Variants in DPYD observed in about 807,000 individuals in gnomAD.
DPYD encodes the protein dihydropyrimidine dehydrogenase [NADP(+)].
Under a neutral mutation model 116.2 loss-of-function variants are expected in DPYD, and 109 were observed. The observed-to-expected ratio is 0.94, with a 90% CI of 0.80 to 1.10. DPYD has a LOEUF of 1.10. Among genes scored for constraint, DPYD ranks in the 50% least tolerant of loss-of-function variants. The probability of loss-of-function intolerance (pLI) is 0.00; values close to 1 mark genes in which losing one functional copy is unlikely to be tolerated. For synonymous variants in DPYD, 440 were observed against 432.0 expected (o/e 1.02, Z -0.23); for missense variants, 1,302 against 1,254.5 (o/e 1.04, Z -0.57).
chr1:97,774,908 C>A, intron 3 of DPYD: 2 of 284,246 alleles, frequency 7.0e-6, no homozygotes, highest in South Asian at 4.0e-5. Flanking sequence ...TTTGAATGTC[C>A]AAATCATCAT....
At chr1:97,759,042 G>T (rs965504422) in intron 3 of DPYD, among the ~76,000 whole-genome samples, 1 of 152,112 alleles carries the variant, frequency 6.6e-6, no homozygotes, top group Non-Finnish European at 1.5e-5. Flanking sequence ...TCAAGACACA[G>T]TTATTTATTC....
At chr1:97,374,441 C>T (rs1336903219) in intron 15 of DPYD, among the ~76,000 whole-genome samples, 1 of 152,046 alleles carries the variant, frequency 6.6e-6, no homozygotes, top group African/African-American at 2.4e-5. Context: ...TTATTATAGG[C>T]CGGGCACAGT....
chr1:97,113,489 A>T (rs1361481255), intron 20 of DPYD, among the ~76,000 whole-genome samples: 1 of 152,132 alleles, frequency 6.6e-6, no homozygotes, highest in African/African-American at 2.4e-5. Flanking sequence ...GAATTCACTA[A>T]TCTACCTGGC....
intron 8 of DPYD, among the ~76,000 whole-genome samples, chr1:97,673,101 T>C (rs1006728921): frequency 6.6e-6 from 1 of 152,078 alleles, no homozygotes; most frequent in Non-Finnish European, 1.5e-5. Flanking sequence ...TTTGCACTTG[T>C]TATTTTTTTT....
At chr1:97,834,751 C>A (rs942746056) in intron 2 of DPYD, among the ~76,000 whole-genome samples, 13 of 150,846 alleles carry the variant, frequency 8.6e-5, no homozygotes, top group African/African-American at 3.2e-4. Context: ...TTCCTAAGGT[C>A]TAGGTTCCTC....
intron 14 of DPYD, among the ~76,000 whole-genome samples, chr1:97,447,465 T>C (rs2101781960): frequency 6.6e-6 from 1 of 152,322 alleles, no homozygotes; most frequent in South Asian, 2.1e-4. Context: ...GGGAATGCCA[T>C]TTTAATGGTA....
chr1:97,857,285 G>GT (rs1158591806), intron 2 of DPYD, among the ~76,000 whole-genome samples: 1 of 152,132 alleles, frequency 6.6e-6, no homozygotes, highest in Non-Finnish European at 1.5e-5. Context: ...CTTCCTCCAT[G>GT]TTTCCTGGCA....
At chr1:97,243,144 T>G (rs1212414793) in intron 18 of DPYD, among the ~76,000 whole-genome samples, 1 of 151,908 alleles carries the variant, frequency 6.6e-6, no homozygotes, top group Non-Finnish European at 1.5e-5. Flanking sequence ...CTACAGGAAA[T>G]ATTGGATTAG....
chr1:97,104,780 G>A (rs1159002747), intron 20 of DPYD, among the ~76,000 whole-genome samples: 1 of 152,150 alleles, frequency 6.6e-6, no homozygotes, highest in Non-Finnish European at 1.5e-5. Context: ...TAAGCTACAA[G>A]AGGGTGAGGC....
chr1:97,824,098 T>C (rs1268761990), intron 3 of DPYD, among the ~76,000 whole-genome samples: 1 of 152,156 alleles, frequency 6.6e-6, no homozygotes, highest in Non-Finnish European at 1.5e-5. Flanking sequence ...TCATTTTGAA[T>C]ACAATCACAT....
At chr1:97,796,536 A>G (rs1667579221) in intron 3 of DPYD, among the ~76,000 whole-genome samples, 3 of 152,114 alleles carry the variant, frequency 2.0e-5, no homozygotes. Context: ...CCACTTCAAT[A>G]AAACTCTTTC....
chr1:97,917,961 G>A (rs541989921), intron 1 of DPYD, among the ~76,000 whole-genome samples: 1 of 152,142 alleles, frequency 6.6e-6, no homozygotes, highest in Non-Finnish European at 1.5e-5. Context: ...AAGAAGTGCT[G>A]TTAAGTTACT....
At chr1:97,132,909 A>G (rs1013036124) in intron 20 of DPYD, among the ~76,000 whole-genome samples, 6 of 152,134 alleles carry the variant, frequency 3.9e-5, no homozygotes, top group African/African-American at 1.4e-4. Flanking sequence ...ACCTATTTCT[A>G]AAGTCATCAA....
intron 1 of DPYD, among the ~76,000 whole-genome samples, chr1:97,899,537 C>A (rs1265538122): frequency 6.6e-6 from 1 of 151,720 alleles, no homozygotes; most frequent in African/African-American, 2.4e-5. Flanking sequence ...ATCAATTGTG[C>A]CTGGAGGTGG....
At chr1:97,163,659 C>T (rs1656092401) in intron 20 of DPYD, among the ~76,000 whole-genome samples, 1 of 152,164 alleles carries the variant, frequency 6.6e-6, no homozygotes, top group African/African-American at 2.4e-5. Context: ...ATGCTCTGTC[C>T]TCACTTTGTG....
intron 4 of DPYD, among the ~76,000 whole-genome samples, chr1:97,729,363 G>C (rs1262251100): frequency 6.6e-6 from 1 of 151,868 alleles, no homozygotes; most frequent in Non-Finnish European, 1.5e-5. Flanking sequence ...TCTTCGTCAG[G>C]CATATTTATA....
intron 1 of DPYD, among the ~76,000 whole-genome samples, chr1:97,892,441 C>G (rs1255369879): frequency 1.3e-5 from 2 of 151,720 alleles, no homozygotes; most frequent in African/African-American, 4.8e-5. Context: ...ACAAAGGTAT[C>G]TTTGGTTCTT....
intron 3 of DPYD, chr1:97,797,458 CT>C (rs11337033): frequency 0.74 from 111,722 of 151,724 alleles, 41,628 homozygotes; most frequent in East Asian, 0.98. Flanking sequence ...CTTTTTTTTC[CT>C]TTTTTCAGCA....
intron 13 of DPYD, among the ~76,000 whole-genome samples, chr1:97,481,059 T>C (rs1463875887): frequency 5.3e-5 from 8 of 152,192 alleles, no homozygotes; most frequent in African/African-American, 1.4e-4. Flanking sequence ...AAGATTACTA[T>C]CTTCTATGTA....
Sources: gnomAD v4.1 joint callset for allele counts (sites outside exome capture counted in the v4.1 genomes callset) on GRCh38, gnomAD v4.1.1 for gene constraint, MANE v1.5 for transcripts, NCBI Gene and HGNC (gene_info 2026-07-23, HGNC 2026-07-21) for gene names.